TNR: variants seen among roughly 807,000 people sequenced by gnomAD.
TNR encodes the protein tenascin-R.
A neutral mutation model predicts 150.4 loss-of-function variants in TNR; 45 were observed. The observed-to-expected ratio is 0.30, with a 90% confidence interval of 0.24 to 0.38. TNR has a LOEUF of 0.38. Ranked by LOEUF, TNR falls within the 10% of genes least tolerant of loss-of-function variation. The pLI, the probability that TNR is intolerant of heterozygous loss-of-function variation, is 1.00. For synonymous variants in TNR, 687 were observed against 678.4 expected (o/e 1.01, Z -0.20); for missense variants, 1,544 against 1,759.1 (o/e 0.88, Z 2.19).
intron 2 of TNR, among the ~76,000 whole-genome samples, chr1:175,432,248 G>T (rs2102071751): frequency 6.6e-6 from 1 of 152,308 alleles, no homozygotes; most frequent in African/African-American, 2.4e-5. Flanking sequence ...GAATTGTCTG[G>T]TGAAAGCTGA....
At chr1:175,443,899 G>T (rs142758363) in intron 2 of TNR, among the ~76,000 whole-genome samples, 131 of 152,268 alleles carry the variant, frequency 8.6e-4, no homozygotes, top group African/African-American at 2.9e-3. Context: ...TCTGGTTAGG[G>T]GTTGATTTTT....
chr1:175,367,165 A>G lies in TNR; in HGVS notation c.2053+43T>C, dbSNP rs373921157. 3,940 of 1,592,816 alleles carry G rather than the reference A, an allele frequency of 2.5e-3. 105 individuals carry two copies. The South Asian group carries it at 0.041, about 17-fold the overall frequency. On this transcript the variant is annotated intron_variant, in intron 10 of 22. Transcript: ENST00000367674. ...CGAGCCTCCATGACTCCTTAGGCTT[A>G]TAGGCTAACCTGGTCTTCTTCCTCA...
chr1:175,476,220 C>T (rs116576627), intron 2 of TNR, among the ~76,000 whole-genome samples: 14 of 152,162 alleles, frequency 9.2e-5, no homozygotes, highest in Non-Finnish European at 1.9e-4. Flanking sequence ...CTGGTGCTTG[C>T]CATGATCACA....
intron 4 of TNR, among the ~76,000 whole-genome samples, chr1:175,402,213 A>C (rs529760630): frequency 6.9e-6 from 1 of 145,358 alleles, no homozygotes; most frequent in South Asian, 2.3e-4. Flanking sequence ...AGGCTGAGGC[A>C]GGAGAATGGT....
intron 1 of TNR, among the ~76,000 whole-genome samples, chr1:175,682,402 C>T (rs1360028530): frequency 1.3e-5 from 2 of 152,088 alleles, no homozygotes; most frequent in Admixed American, 1.3e-4. Flanking sequence ...GTACCTTTTA[C>T]AGTCAGACAG....
intron 9 of TNR, among the ~76,000 whole-genome samples, chr1:175,378,300 A>G (rs1445564012): frequency 8.0e-6 from 1 of 124,982 alleles, no homozygotes. Flanking sequence ...GAACTTCTGC[A>G]GCTTCATTCA....
At chr1:175,544,496 G>A (rs1660614058) in intron 1 of TNR, among the ~76,000 whole-genome samples, 1 of 152,140 alleles carries the variant, frequency 6.6e-6, no homozygotes, top group African/African-American at 2.4e-5. Context: ...TAAGGGAATA[G>A]GAAGATAAGA....
intron 1 of TNR, among the ~76,000 whole-genome samples, chr1:175,540,053 G>A (rs1318658327): frequency 6.6e-6 from 1 of 152,078 alleles, no homozygotes. Context: ...GGCAAAAGAG[G>A]CACTGACTAA....
At chr1:175,431,936 C>CCTT (rs1655289440) in intron 2 of TNR, among the ~76,000 whole-genome samples, 2 of 52,350 alleles carry the variant, frequency 3.8e-5, no homozygotes, top group Admixed American at 1.4e-4. Context: ...TCTCTCTCTC[C>CCTT]CTCTGTCTCT....
At chr1:175,662,771 G>A (rs72725491) in intron 1 of TNR, among the ~76,000 whole-genome samples, 10,226 of 152,196 alleles carry the variant, frequency 0.067, 445 homozygotes, top group East Asian at 0.12. Context: ...AGAAGAGGCC[G>A]AGAAGGCCTA....
chr1:175,498,517 A>G (rs1039861491), intron 2 of TNR, among the ~76,000 whole-genome samples: 2 of 152,244 alleles, frequency 1.3e-5, no homozygotes, highest in East Asian at 3.8e-4. Flanking sequence ...CTGGTATGAG[A>G]GAGCAAAATA....
intron 1 of TNR, among the ~76,000 whole-genome samples, chr1:175,707,986 C>G (rs1165019783): frequency 6.6e-6 from 1 of 150,620 alleles, no homozygotes; most frequent in African/African-American, 2.5e-5. Context: ...ATTTTAATGA[C>G]TAGGAACAGG....
chr1:175,685,014 A>T (rs1204396203), intron 1 of TNR, among the ~76,000 whole-genome samples: 1 of 151,840 alleles, frequency 6.6e-6, no homozygotes, highest in African/African-American at 2.4e-5. Context: ...CCTTTTTTTC[A>T]TCAAGGGGGC....
At chr1:175,476,049 T>C (rs915369643) in intron 2 of TNR, among the ~76,000 whole-genome samples, 2 of 152,158 alleles carry the variant, frequency 1.3e-5, no homozygotes, top group African/African-American at 4.8e-5. Flanking sequence ...AATTGGAGAA[T>C]CAAGGGAATA....
chr1:175,417,075 G>GAAAGAAAGAA lies in TNR; in HGVS notation c.-63-10299_-63-10298insTTCTTTCTTT, dbSNP rs754333098. On this transcript the variant is annotated intron_variant, in intron 2 of 22. Transcript: ENST00000367674. ...AGAAAGAAAGAAAGAAAGAAAGAAAGAAATCTAAGAAGTGGTCTCTTCCCT... is the reference window on the plus strand; with the variant it reads ...AGAAAGAAAGAAAGAAAGAAAGAAAGAAAGAAAGAAAAATCTAAGAAGTGGTCTCTTCCCT... Among the ~76,000 whole-genome samples the GAAAGAAAGAA allele has an allele frequency of 1.5e-3, 206 of 138,276 alleles. 2 individuals are homozygous for GAAAGAAAGAA. Among genetic ancestry groups the GAAAGAAAGAA allele is most frequent in the Non-Finnish European group, 2.2e-3 (141 of 63,650 alleles). The allele number at this position is 138,276 out of a possible 152,430, so 90.7% of individuals were successfully genotyped here. A position where few individuals can be genotyped will look rare whatever the true frequency, so the allele number is the denominator to read the frequency against.
chr1:175,526,479 T>C (rs968293871), intron 2 of TNR, among the ~76,000 whole-genome samples: 1 of 152,190 alleles, frequency 6.6e-6, no homozygotes, highest in Admixed American at 6.5e-5. Flanking sequence ...GGGCACCTTA[T>C]GGACACACAC....
chr1:175,635,113 T>C (rs1300003486), intron 1 of TNR, among the ~76,000 whole-genome samples: 1 of 152,144 alleles, frequency 6.6e-6, no homozygotes, highest in African/African-American at 2.4e-5. Flanking sequence ...GGCTGCTCCA[T>C]CCTCACATAC....
chr1:175,645,634 G>A (rs1021355614), intron 1 of TNR, among the ~76,000 whole-genome samples: 7 of 152,206 alleles, frequency 4.6e-5, no homozygotes, highest in Non-Finnish European at 7.3e-5. Context: ...AGTCATGGGC[G>A]TGATAACCAA....
intron 1 of TNR, among the ~76,000 whole-genome samples, chr1:175,719,931 G>A (rs978010019): frequency 6.6e-6 from 1 of 152,206 alleles, no homozygotes; most frequent in African/African-American, 2.4e-5. Flanking sequence ...AACAGTTCCT[G>A]TAGTGGCAGG....
Sources: allele counts gnomAD v4.1 joint callset (sites outside exome capture counted in the v4.1 genomes callset), GRCh38; gene constraint gnomAD v4.1.1; transcripts MANE v1.5; gene names NCBI Gene and HGNC (gene_info 2026-07-23, HGNC 2026-07-21).